Variants in CHD4 observed in about 807,000 individuals in gnomAD.
CHD4 encodes the protein ATP-dependent chromatin remodeler CHD4.
CHD4 carries 35 observed loss-of-function variants against 235.5 expected under a neutral mutation model. The observed-to-expected ratio is 0.15, with a 90% CI of 0.11 to 0.20. The LOEUF (loss-of-function observed/expected upper bound fraction) is 0.20, where lower values mean the gene tolerates loss of function less well. CHD4 is among the 10% of genes least tolerant of loss of function. The pLI is 1.00. For missense variants in CHD4, 1,329 were observed against 2,432.3 expected, an observed-to-expected ratio of 0.55 and a Z score of 9.54; for synonymous variants, 900 against 850.2, an observed-to-expected ratio of 1.06 and a Z score of -1.02.
At chr12:6,574,314 A>G (rs754175682) in intron 37 of CHD4, among the ~76,000 whole-genome samples, 27 of 152,174 alleles carry the variant, frequency 1.8e-4, no homozygotes, top group Non-Finnish European at 3.8e-4. Context: ...GCCCCATGAT[A>G]TGAATACATG....
At chr12:6,605,002 C>T (rs1484495261) in intron 2 of CHD4, among the ~76,000 whole-genome samples, 1 of 152,152 alleles carries the variant, frequency 6.6e-6, no homozygotes, top group Non-Finnish European at 1.5e-5. Context: ...TGGAAATCTG[C>T]CCCCTACTCT....
At chr12:6,596,200 A>T (rs1948491368) in intron 12 of CHD4, 63 bp from the exon 13 acceptor site, 1 of 1,595,366 alleles carries the variant, frequency 6.3e-7, no homozygotes. Flanking sequence ...CTTCCTCTCA[A>T]AAACTGGCAA....
intron 14 of CHD4, 97 bp downstream of exon 14, chr12:6,595,237 C>T: frequency 2.0e-6 from 2 of 1,018,438 alleles, no homozygotes; most frequent in Non-Finnish European, 3.0e-6. Flanking sequence ...TACAAAGTTA[C>T]TATCTGCATT....
Position 6,595,412 on chromosome 12 carries a change from C to A in CHD4, c.2043G>T (p.Glu681Asp). 1 of 1,614,002 alleles carries A rather than the reference C, an allele frequency of 6.2e-7. No individual in the cohort carries two copies. Among genetic ancestry groups the A allele is most frequent in the African/African-American group, 1.3e-5 (1 of 75,014 alleles). ...TGAGCTTCTTGCCTGGTCGGCCTTC[C>A]TCACCCCTCATTAACTCCCTAAAGA... ...YWNHRELMRGEEGRPGKKLKK... is the reference protein window; with the variant it reads ...YWNHRELMRGDEGRPGKKLKK... The change falls in exon 14 of 40, where the codon GAG (glutamate) becomes GAT (aspartate). Residue 681 changes from glutamate to aspartate, a missense_variant. Physicochemically the swap from Glu to Asp is conservative, Grantham distance 45. This residue lies in a region of CHD4 where 121 missense variants were observed against 177.8 expected (regional missense o/e 0.68). Coordinates refer to ENST00000544040, the MANE Select transcript of CHD4 (RefSeq NM_001273.5).
At chr12:6,584,973 A>C (rs1179495572) in intron 25 of CHD4, among the ~76,000 whole-genome samples, 2 of 152,150 alleles carry the variant, frequency 1.3e-5, no homozygotes, top group Non-Finnish European at 2.9e-5. Flanking sequence ...ATATAAACTG[A>C]GGTTGGACGC....
In CHD4 at chr12:6,588,013, T is replaced by A. The variant is rs1397371164; in HGVS notation, c.3466-64A>T. On this transcript the variant is annotated intron_variant, in intron 23 of 39. Coordinates refer to ENST00000544040, the MANE Select transcript of CHD4 (RefSeq NM_001273.5). ...TCCTGGTGCCACTCTTATCCTGACT[T>A]CCACATAATATTCTAAATTCAGTAC... 3 of 1,490,740 alleles carry A rather than the reference T, an allele frequency of 2.0e-6. No individual in the cohort carries two copies. The Admixed American group carries it at 5.1e-5, about 25-fold the overall frequency. The allele number at this position is 1,490,740 out of a possible 1,614,324, so 92.3% of individuals were successfully genotyped here. A position where few individuals can be genotyped will look rare whatever the true frequency, so the allele number is the denominator to read the frequency against.
chr12:6,581,941 T>A, intron 30 of CHD4, 127 bp from the exon 31 acceptor site: 2 of 1,251,020 alleles, frequency 1.6e-6, no homozygotes, highest in Non-Finnish European at 2.2e-6. Context: ...TAGCTGGGAA[T>A]ACAGGTGCCC....
chr12:6,604,925 G>A lies in CHD4; in HGVS notation c.100+1349C>T, dbSNP rs2267972. Among the ~76,000 whole-genome samples, 1,506 of 152,192 alleles carry A rather than the reference G, an allele frequency of 9.9e-3. 57 individuals are homozygous for A. The East Asian group carries it at 0.1, about 11-fold the overall frequency. On this transcript the variant is annotated intron_variant, in intron 2 of 39. Transcript: ENST00000544040. ...TTTAGGCAGCACTACTGTTTCTCAT[G>A]CCCCTCTCAGAAGGACAGGGTCCCC...
chr12:6,576,605 C>A (rs1054095366), intron 37 of CHD4, among the ~76,000 whole-genome samples: 1 of 152,076 alleles, frequency 6.6e-6, no homozygotes, highest in Non-Finnish European at 1.5e-5. Flanking sequence ...TCTCTGAGAA[C>A]TTTCTTTTCT....
intron 2 of CHD4, among the ~76,000 whole-genome samples, chr12:6,603,711 A>C (rs1285562878): frequency 2.0e-5 from 3 of 152,170 alleles, no homozygotes; most frequent in South Asian, 2.1e-4. Flanking sequence ...GACAAACATG[A>C]AGGTAATACT....
intron 17 of CHD4, 94 bp from the exon 18 acceptor site, chr12:6,592,911 A>C: frequency 6.5e-7 from 1 of 1,530,552 alleles, no homozygotes; most frequent in Non-Finnish European, 8.8e-7. Flanking sequence ...CCAATAGTTA[A>C]GCATCCCACT....
intron 33 of CHD4, among the ~76,000 whole-genome samples, chr12:6,580,000 G>A (rs1428247381): frequency 2.0e-5 from 3 of 148,708 alleles, no homozygotes; most frequent in African/African-American, 7.5e-5. Context: ...AGTTTGCAGT[G>A]AGCCGAGATG....
At position 6,570,470 on chromosome 12, in the gene CHD4, G is replaced by C. The variant is rs1216061990; in HGVS notation, c.*206C>G. ...GCCAGCTCCTGCAGATGGCGCCAGC[G>C]CTACTGCTGCATGTCTCTTCTGCAG... On this transcript the variant is annotated 3_prime_UTR_variant, in exon 40 of 40. Transcript: ENST00000544040. 8.1e-6 allele frequency: 5 copies of C among 618,048 alleles called. No individual in the cohort carries two copies. Among genetic ancestry groups the C allele is most frequent in the Non-Finnish European group, 1.4e-5 (5 of 355,418 alleles). 38.3% of individuals were successfully genotyped at this position (618,048 alleles called of 1,614,324 possible).
Position 6,599,857 on chromosome 12 carries a change from G to A in CHD4, c.1398C>T (p.Thr466=), listed in dbSNP as rs767368044. ...KDGGELLCCD[T]CPSSYHIHCL... is the part of the protein sequence containing the mutation. Reference sequence around the variant, plus strand: ...AGTGGATGTGGTAGGAAGAAGGACAGGTATCACAGCAGAGCAGTTCCCCAC... The same window carrying A: ...AGTGGATGTGGTAGGAAGAAGGACAAGTATCACAGCAGAGCAGTTCCCCAC... Residue 466 remains threonine, a synonymous_variant, in exon 10 of 40, where the codon ACC becomes ACT. Transcript: ENST00000544040. 1 of 1,614,098 alleles carries A rather than the reference G, an allele frequency of 6.2e-7. No individual in the cohort carries two copies. Among genetic ancestry groups the A allele is most frequent in the Non-Finnish European group, 8.5e-7 (1 of 1,180,042 alleles).
chr12:6,574,759 C>T (rs1948039363), intron 37 of CHD4, among the ~76,000 whole-genome samples: 1 of 152,186 alleles, frequency 6.6e-6, no homozygotes, highest in South Asian at 2.1e-4. Context: ...TGCTCCCTCT[C>T]TTCTTAAATG....
intron 34 of CHD4, 147 bp from the exon 35 acceptor site, chr12:6,578,693 G>T (rs1240691429): frequency 2.2e-6 from 3 of 1,393,208 alleles, no homozygotes; most frequent in Non-Finnish European, 3.0e-6. Context: ...TGGTGCCATT[G>T]GCCCACTGAC....
Position 6,601,419 on chromosome 12 carries a change from C to T in CHD4, c.669G>A (p.Gly223=). The T allele has an allele frequency of 6.2e-7, 1 of 1,614,150 alleles. No homozygotes were observed. The highest frequency in any genetic ancestry group is 1.6e-4 in the Middle Eastern group (1 of 6,062). Residue 223 remains glycine (G), a synonymous_variant, in exon 6 of 40, where the codon GGG becomes GGA. Transcript: ENST00000544040. ...STNNPFKGSS[G]ASVAAAAAAA... ...CTGCTGCCGCAGCTGCCACTGATGC[C>T]CCAGAACTGCCTTTGAAGGGGTTAT...
intron 37 of CHD4, among the ~76,000 whole-genome samples, chr12:6,577,281 G>A (rs1365501008): frequency 6.6e-6 from 1 of 152,066 alleles, no homozygotes; most frequent in Non-Finnish European, 1.5e-5. Context: ...AAACAGCTGG[G>A]TGTGGTGGCA....
intron 4 of CHD4, 85 bp from the exon 5 acceptor site, chr12:6,601,851 CAG>C: frequency 6.4e-7 from 1 of 1,562,354 alleles, no homozygotes; most frequent in Non-Finnish European, 8.8e-7. Context: ...ATCAGAGTAA[CAG>C]AGTTAAGAGG....
Sources: gnomAD v4.1 joint callset for allele counts (sites outside exome capture counted in the v4.1 genomes callset) on GRCh38, gnomAD v4.1.1 for gene constraint, gnomAD v4.1.1 regional missense constraint, MANE v1.5 for transcripts, NCBI Gene and HGNC (gene_info 2026-07-23, HGNC 2026-07-21) for gene names.